The following ERC1 variants were observed in gnomAD, a reference collection of about 807,000 sequenced individuals.
The protein encoded by ERC1 is RAB6 interacting protein 2.
In ERC1, 56 loss-of-function variants were observed where a neutral mutation model predicts 132.0. The ratio of observed to expected loss-of-function variants is 0.42; its 90% CI spans 0.34 to 0.53. ERC1 has a LOEUF of 0.53. ERC1 is among the 20% of genes least tolerant of loss of function. ERC1 has a pLI of 0.03. For missense variants in ERC1, 1,202 were observed against 1,349.9 expected, an observed-to-expected ratio of 0.89 and a Z score of 1.72; for synonymous variants, 478 against 476.1, an observed-to-expected ratio of 1.00 and a Z score of -0.05.
chr12:1,061,104 C>T (rs916505903), intron 2 of ERC1, among the ~76,000 whole-genome samples: 4 of 152,064 alleles, frequency 2.6e-5, no homozygotes, highest in Non-Finnish European at 5.9e-5. Flanking sequence ...CTTCCTGGTC[C>T]GATCTTGGCA....
rs550454352 is a variant in ERC1, at chr12:1,304,990, G to C, written c.2780+14978G>C. ...ATTTTTAGTAGAGACGGGTTTCACC[G>C]TGTTGGCCAGGATGGTCTCGATCTC... is the stretch of plus-strand genomic sequence containing the variant. On this transcript the variant is annotated intron_variant, in intron 15 of 18. Transcript: ENST00000360905. Among the ~76,000 whole-genome samples the C allele has an allele frequency of 3.3e-5, 5 of 151,542 alleles. No individual in the cohort carries two copies. The South Asian group carries it at 8.4e-4, about 25-fold the overall frequency.
chr12:1,441,037 T>A (rs751630182), intron 17 of ERC1, among the ~76,000 whole-genome samples: 2 of 151,664 alleles, frequency 1.3e-5, no homozygotes, highest in African/African-American at 4.9e-5. Context: ...GCCATCAGCA[T>A]AAAATGCATT....
intron 17 of ERC1, among the ~76,000 whole-genome samples, chr12:1,432,177 G>A (rs2092816147): frequency 6.6e-6 from 1 of 152,184 alleles, no homozygotes; most frequent in African/African-American, 2.4e-5. Flanking sequence ...TTTGCAAACT[G>A]TGTACTTCCT....
At chr12:1,166,451 T>TCC (rs1488656548) in intron 8 of ERC1, among the ~76,000 whole-genome samples, 2 of 152,206 alleles carry the variant, frequency 1.3e-5, no homozygotes, top group Non-Finnish European at 2.9e-5. Context: ...GATATGTCTT[T>TCC]ATCAGCAGCA....
chr12:1,253,998 T>A (rs1247547097), intron 13 of ERC1, among the ~76,000 whole-genome samples: 1 of 152,194 alleles, frequency 6.6e-6, no homozygotes, highest in Non-Finnish European at 1.5e-5. Context: ...GTGAACCCTG[T>A]ACTCTGTGAG....
chr12:1,460,578 G>A (rs2093624721), intron 18 of ERC1, among the ~76,000 whole-genome samples: 1 of 152,126 alleles, frequency 6.6e-6, no homozygotes, highest in Non-Finnish European at 1.5e-5. Flanking sequence ...AACAGAAAGT[G>A]AAACTTCCTA....
chr12:1,281,716 T>G (rs562814235), intron 14 of ERC1, among the ~76,000 whole-genome samples: 2 of 152,336 alleles, frequency 1.3e-5, no homozygotes, highest in South Asian at 4.1e-4. Flanking sequence ...GTAGGCTGAC[T>G]TAAAAATAGA....
intron 16 of ERC1, among the ~76,000 whole-genome samples, chr12:1,376,165 G>T (rs4562882): frequency 2.0e-5 from 3 of 152,000 alleles, no homozygotes; most frequent in African/African-American, 7.3e-5. Flanking sequence ...GGGCAGTTAG[G>T]AAAAAGAGGT....
chr12:1,241,408 G>A (rs1258789774), intron 13 of ERC1, among the ~76,000 whole-genome samples: 8 of 151,984 alleles, frequency 5.3e-5, no homozygotes, highest in Admixed American at 3.9e-4. Flanking sequence ...AATGATGATT[G>A]TTACATATTT....
intron 15 of ERC1, among the ~76,000 whole-genome samples, chr12:1,304,371 C>T (rs956945739): frequency 2.6e-5 from 4 of 152,198 alleles, no homozygotes; most frequent in African/African-American, 7.2e-5. Context: ...CAGCCTCCCC[C>T]AACAGTAGAC....
At chr12:1,131,601 A>G (rs1369973022) in intron 7 of ERC1, among the ~76,000 whole-genome samples, 1 of 149,320 alleles carries the variant, frequency 6.7e-6, no homozygotes, top group East Asian at 2.0e-4. Context: ...AGCTGGGATT[A>G]CAGGTGCCCA....
At chr12:1,139,551 GT>G in intron 7 of ERC1, among the ~76,000 whole-genome samples, 1 of 152,286 alleles carries the variant, frequency 6.6e-6, no homozygotes, top group South Asian at 2.1e-4. Context: ...GATACTGTCT[GT>G]GGTTTCAGGC....
At chr12:1,271,779 C>G (rs1185831589) in intron 14 of ERC1, among the ~76,000 whole-genome samples, 1 of 152,136 alleles carries the variant, frequency 6.6e-6, no homozygotes, top group Non-Finnish European at 1.5e-5. Flanking sequence ...ATCTTTACAC[C>G]AATATTTCCT....
At chr12:1,040,480 G>A (rs770894167) in intron 2 of ERC1, among the ~76,000 whole-genome samples, 4 of 151,736 alleles carry the variant, frequency 2.6e-5, no homozygotes, top group Non-Finnish European at 4.4e-5. Flanking sequence ...CTAATTTTTT[G>A]TATTTTTAGT....
At chr12:1,353,279 C>T (rs879282961) in intron 15 of ERC1, among the ~76,000 whole-genome samples, 12 of 152,138 alleles carry the variant, frequency 7.9e-5, no homozygotes, top group Non-Finnish European at 1.5e-4. Context: ...ATCCGCCTGC[C>T]TCGGCCTCCC....
At chr12:1,164,748 CATT>C (rs779040670) in intron 8 of ERC1, among the ~76,000 whole-genome samples, 1 of 152,146 alleles carries the variant, frequency 6.6e-6, no homozygotes, top group Non-Finnish European at 1.5e-5. Context: ...AGATGGAAGA[CATT>C]GTTGTGACCA....
intron 7 of ERC1, among the ~76,000 whole-genome samples, chr12:1,138,097 ATAT>A (rs1220278012): frequency 8.9e-4 from 82 of 92,410 alleles, no homozygotes; most frequent in African/African-American, 1.1e-3. Flanking sequence ...TATATAATCC[ATAT>A]TATAATATAA....
chr12:1,169,908 A>G (rs568708268), intron 8 of ERC1, among the ~76,000 whole-genome samples: 2 of 152,304 alleles, frequency 1.3e-5, no homozygotes, highest in Admixed American at 6.5e-5. Context: ...AGTTGCTTAC[A>G]TGCCCCAAAG....
In ERC1 at chr12:1,402,619, A is replaced by ACACACACACACACACAC. The variant is rs1325967965; in HGVS notation, c.2926-5529_2926-5513dup. Among the ~76,000 whole-genome samples the ACACACACACACACACAC allele has an allele frequency of 3.6e-4, 51 of 142,808 alleles. 1 individual carries two copies. The highest frequency in any genetic ancestry group is 1.3e-3 in the African/African-American group (49 of 37,934). The allele number at this position is 142,808 out of a possible 152,430, so 93.7% of individuals were successfully genotyped here. A position where few individuals can be genotyped will look rare whatever the true frequency, so the allele number is the denominator to read the frequency against. On this transcript the variant is annotated intron_variant, in intron 16 of 18. Transcript: ENST00000360905. Reference sequence around the variant, plus strand: ...AGAATATCTGTGTAACCCCCAACACACACACACACACACACACACACACAC... The same window carrying ACACACACACACACACAC: ...AGAATATCTGTGTAACCCCCAACACACACACACACACACACACCACACACACACACACACACACACAC...
Sources: gnomAD v4.1 joint callset for allele counts (sites outside exome capture counted in the v4.1 genomes callset) on GRCh38, gnomAD v4.1.1 for gene constraint, MANE v1.5 for transcripts, NCBI Gene and HGNC (gene_info 2026-07-23, HGNC 2026-07-21) for gene names.